NVL: variants seen among roughly 807,000 people sequenced by gnomAD.
NVL encodes the protein nuclear valosin-containing protein-like.
A neutral mutation model predicts 110.2 loss-of-function variants in NVL; 84 were observed. That is an observed-to-expected ratio of 0.76 (90% confidence interval 0.64 to 0.91). The LOEUF is 0.91. Among genes scored for constraint, NVL ranks in the 40% least tolerant of loss-of-function variants. The pLI is 0.00. For synonymous variants in NVL, 354 were observed against 361.1 expected (o/e 0.98, Z 0.22); for missense variants, 882 against 1,035.9 (o/e 0.85, Z 2.04).
Position 224,289,679 on chromosome 1 carries a change from A to G in NVL, c.1380T>C (p.Cys460=). 6.2e-7 allele frequency: 1 copy of G among 1,614,246 alleles called. No homozygotes were observed. Residue 460 remains cysteine, a synonymous_variant, in exon 13 of 23, where the codon TGT becomes TGC. Coordinates refer to ENST00000281701, the MANE Select transcript of NVL (RefSeq NM_002533.4). ...AGCCTGGAGTTAGGTGTGCTAAGTG[A>G]CAGAAATCAAAAGCTTGAGGAAGCC... ...KLRLPQAFDF[C]HLAHLTPGFV...
At position 224,305,018 on chromosome 1, in the gene NVL, A is replaced by G; in HGVS notation, c.748+16T>C. 6.2e-7 allele frequency: 1 copy of G among 1,611,020 alleles called. No individual in the cohort carries two copies. Among genetic ancestry groups the G allele is most frequent in the Non-Finnish European group, 8.5e-7 (1 of 1,179,044 alleles). On this transcript the variant is annotated intron_variant, in intron 7 of 22. Coordinates refer to ENST00000281701, the MANE Select transcript of NVL (RefSeq NM_002533.4). ...TGCAAACATGACCACTGCCACCAAC[A>G]AGACTCACACCTTACCTTTCTTTTG... is the stretch of plus-strand genomic sequence containing the variant.
intron 17 of NVL, among the ~76,000 whole-genome samples, chr1:224,268,392 A>G (rs575512224): frequency 1.3e-5 from 2 of 152,266 alleles, no homozygotes; most frequent in South Asian, 4.1e-4. Context: ...TAGATAAAGG[A>G]AGAAATGAGA....
intron 15 of NVL, among the ~76,000 whole-genome samples, chr1:224,282,762 T>TA (rs1357963055): frequency 6.6e-6 from 1 of 152,212 alleles, no homozygotes. Flanking sequence ...TCCCAATTCT[T>TA]ATTCTTCCAA....
chr1:224,237,423 C>G (rs1020004327), intron 19 of NVL, among the ~76,000 whole-genome samples: 2 of 152,104 alleles, frequency 1.3e-5, no homozygotes, highest in Admixed American at 1.3e-4. Context: ...GACACATTAG[C>G]AATGACAAGT....
At chr1:224,306,766 G>A (rs987948468) in intron 6 of NVL, among the ~76,000 whole-genome samples, 1 of 152,120 alleles carries the variant, frequency 6.6e-6, no homozygotes. Flanking sequence ...CCAGGGGGTG[G>A]AGGTTATAGT....
intron 17 of NVL, among the ~76,000 whole-genome samples, chr1:224,270,797 T>A (rs935120594): frequency 3.3e-5 from 5 of 152,192 alleles, no homozygotes; most frequent in African/African-American, 1.2e-4. Context: ...CAGGGACATG[T>A]ATACTAAAAT....
chr1:224,326,317 T>G (rs896847759), intron 2 of NVL, 74 bp downstream of exon 2: 14 of 1,063,348 alleles, frequency 1.3e-5, no homozygotes, highest in Non-Finnish European at 2.0e-5. Flanking sequence ...ACTGGAAATT[T>G]AGGCAGGATA....
intron 18 of NVL, among the ~76,000 whole-genome samples, chr1:224,257,363 ATTGAGAGGTAACAG>A: frequency 6.6e-6 from 1 of 152,192 alleles, no homozygotes. Context: ...AAAAGTTAAA[ATTGAGAGGTAACAG>A]TAGCAACTTT....
intron 10 of NVL, among the ~76,000 whole-genome samples, chr1:224,299,358 A>C (rs1400809827): frequency 1.3e-5 from 2 of 152,212 alleles, no homozygotes; most frequent in African/African-American, 4.8e-5. Context: ...TGGCCTAAAG[A>C]AAGCATAGTT....
At chr1:224,287,566 A>G (rs1364341391) in intron 14 of NVL, among the ~76,000 whole-genome samples, 1 of 152,238 alleles carries the variant, frequency 6.6e-6, no homozygotes, top group Non-Finnish European at 1.5e-5. Context: ...ACTATGATAC[A>G]TCAATTTAAA....
Position 224,287,777 on chromosome 1 carries a change from A to C in NVL, c.1792T>G (p.Leu598Val). 1 of 1,613,282 alleles carries C rather than the reference A, an allele frequency of 6.2e-7. No homozygotes were observed. The highest frequency in any genetic ancestry group is 1.7e-5 in the Admixed American group (1 of 60,014). The change falls in exon 14 of 23, where the codon TTG becomes GTG. Residue 598 changes from leucine (L) to valine (V), a missense_variant and splice_region_variant. This residue lies in a region of NVL where 416 missense variants were observed against 499.3 expected (regional missense o/e 0.83). Coordinates refer to ENST00000281701, the MANE Select transcript of NVL (RefSeq NM_002533.4). ...TATTTGGCAGCTGATATACCTACCA[A>C]TATTGCCATGGTGAGCTCCTCTCTA... ...DIREELTMAI[L>V]APVRNPDQFK...
intron 9 of NVL, chr1:224,301,664 CTG>C (rs1455677567): frequency 1.1e-5 from 4 of 349,804 alleles, no homozygotes; most frequent in Non-Finnish European, 2.2e-5. Flanking sequence ...GCCAGGCATG[CTG>C]ATGCATGCCT....
At chr1:224,239,057 T>C (rs562660180) in intron 19 of NVL, among the ~76,000 whole-genome samples, 8 of 152,318 alleles carry the variant, frequency 5.3e-5, no homozygotes, top group African/African-American at 1.7e-4. Context: ...ACTTGGAGTG[T>C]TCTCTTTCTT....
At chr1:224,281,207 A>T (rs745618978) in intron 15 of NVL, 22 bp from the exon 16 acceptor site, 2 of 1,602,248 alleles carry the variant, frequency 1.2e-6, no homozygotes, top group South Asian at 2.2e-5. Context: ...AAACAAAAAG[A>T]CACAAATAAG....
intron 21 of NVL, among the ~76,000 whole-genome samples, chr1:224,232,540 T>C (rs1047955458): frequency 3.9e-5 from 6 of 152,030 alleles, no homozygotes; most frequent in African/African-American, 1.4e-4. Flanking sequence ...TTAAATTTTT[T>C]ATAGAGATGG....
chr1:224,255,038 C>T (rs1663029181), intron 18 of NVL, among the ~76,000 whole-genome samples: 2 of 151,004 alleles, frequency 1.3e-5, no homozygotes, highest in South Asian at 2.1e-4. Flanking sequence ...CACTCAGCTA[C>T]TTTTTGTATT....
intron 2 of NVL, among the ~76,000 whole-genome samples, chr1:224,319,793 AAATT>A (rs1203518491): frequency 6.6e-6 from 1 of 152,118 alleles, no homozygotes; most frequent in East Asian, 1.9e-4. Context: ...ATATTCTTAT[AAATT>A]ATTTATTAAT....
intron 18 of NVL, among the ~76,000 whole-genome samples, chr1:224,256,254 A>G (rs1025927781): frequency 2.6e-5 from 4 of 152,058 alleles, no homozygotes; most frequent in Non-Finnish European, 5.9e-5. Context: ...GTGAAACTCC[A>G]TAACTACTGA....
At position 224,275,400 on chromosome 1, in the gene NVL, G is replaced by A; in HGVS notation, c.2021C>T (p.Ala674Val). The change falls in exon 17 of 23, where the codon GCA (alanine) becomes GTA (valine). Residue 674 changes from alanine to valine, a missense_variant. Ala to Val is a moderately conservative substitution (Grantham distance 64, BLOSUM62 0). Transcript: ENST00000281701. Reference protein sequence around the residue: ...RQVFQRAKNSAPCVIFFDEVD... With the variant: ...RQVFQRAKNSVPCVIFFDEVD... The stretch of plus-strand genomic sequence containing the variant: ...TTCATCAAAGAATATCACACAGGGT[G>A]CTGAGTTCTTGGCTCGTTGAAAAAC... 6.2e-7 allele frequency: 1 copy of A among 1,614,140 alleles called. No homozygotes were observed. The highest frequency in any genetic ancestry group is 8.5e-7 in the Non-Finnish European group (1 of 1,180,004).
Sources: allele counts gnomAD v4.1 joint callset (sites outside exome capture counted in the v4.1 genomes callset), GRCh38; gene constraint gnomAD v4.1.1; regional missense constraint gnomAD v4.1.1; transcripts MANE v1.5; gene names NCBI Gene and HGNC (gene_info 2026-07-23, HGNC 2026-07-21).